The following DUX4 variants were observed in gnomAD, a reference collection of about 807,000 sequenced individuals.
The protein encoded by DUX4 is double homeobox protein 4.
downstream of DUX4, among the ~76,000 whole-genome samples, chr4:190,179,577 A>G (rs1742504298): frequency 9.9e-5 from 15 of 151,928 alleles, no homozygotes; most frequent in South Asian, 2.1e-4. Flanking sequence ...GATATGTCAC[A>G]ATGCTGTGTA....
downstream of DUX4, among the ~76,000 whole-genome samples, chr4:190,179,537 G>T (rs1742502503): frequency 3.7e-5 from 5 of 136,880 alleles, no homozygotes; most frequent in South Asian, 2.2e-4. Flanking sequence ...GCCTAGACAA[G>T]AGTTATATCA....
chr4:190,178,499 A>C (rs1579834294), downstream of DUX4, among the ~76,000 whole-genome samples: 267 of 144,546 alleles, frequency 1.8e-3, no homozygotes, highest in Non-Finnish European at 2.5e-3. Flanking sequence ...TACCCCCTGT[A>C]GGCAGATCCT....
chr4:190,177,587 G>GA (rs1742376435), downstream of DUX4, among the ~76,000 whole-genome samples: 6 of 74,258 alleles, frequency 8.1e-5, no homozygotes, highest in South Asian at 4.7e-4. Context: ...TCATTGCAGA[G>GA]TTATGTCACT....
chr4:190,179,914 A>AAGCAGAGCCTAGACAATACTTACATCAC, downstream of DUX4, among the ~76,000 whole-genome samples: 1 of 152,160 alleles, frequency 6.6e-6, no homozygotes, highest in East Asian at 1.9e-4. Context: ...GAGATATGTG[A>AAGCAGAGCCTAGACAATACTTACATCAC]CAAGGCCCCT....
chr4:190,179,794 CAA>C (rs1742513122), downstream of DUX4, among the ~76,000 whole-genome samples: 12 of 5,836 alleles, frequency 2.1e-3, no homozygotes, highest in African/African-American at 5.6e-3. Flanking sequence ...CCCCTGTAGG[CAA>C]GCCTACACAA....
downstream of DUX4, among the ~76,000 whole-genome samples, chr4:190,178,696 C>T (rs1742443956): frequency 3.0e-4 from 45 of 148,612 alleles, no homozygotes; most frequent in Middle Eastern, 3.7e-3. Context: ...TGTCACAAAG[C>T]TCCTGTAGGC....
chr4:190,178,706 C>A (rs1742445060), downstream of DUX4, among the ~76,000 whole-genome samples: 26 of 128,366 alleles, frequency 2.0e-4, 1 homozygote, highest in East Asian at 1.4e-3. Context: ...CTCCTGTAGG[C>A]AGAGCTTAGA....
At chr4:190,177,752 C>A (rs1579833245), downstream of DUX4, among the ~76,000 whole-genome samples, 68 of 147,254 alleles carry the variant, frequency 4.6e-4, no homozygotes, top group East Asian at 1.2e-3. Context: ...TAGGCAGAGC[C>A]TAGACAAGAG....
At chr4:190,183,273 G>A (rs1318299526) in intron 1 of DUX4, 1 of 108,492 alleles carries the variant, frequency 9.2e-6, no homozygotes, top group African/African-American at 2.7e-5. Context: ...AATGGCCTTG[G>A]TTTCTGTGGA....
At chr4:190,177,765 C>T (rs1458504653), downstream of DUX4, among the ~76,000 whole-genome samples, 55 of 12,574 alleles carry the variant, frequency 4.4e-3, no homozygotes, top group Non-Finnish European at 7.0e-3. Context: ...GACAAGAGTC[C>T]CATCACCTGG....
intron 1 of DUX4, among the ~76,000 whole-genome samples, chr4:190,181,611 G>C (rs1579837823): frequency 1.3e-4 from 1 of 7,784 alleles, no homozygotes; most frequent in East Asian, 3.0e-3. Flanking sequence ...GGTGATCAGT[G>C]CAGAGATATG....
chr4:190,177,136 A>T (rs1742343703), downstream of DUX4, among the ~76,000 whole-genome samples: 2 of 152,198 alleles, frequency 1.3e-5, no homozygotes, highest in Non-Finnish European at 2.9e-5. Context: ...CTGTAGGCAG[A>T]GAGTGGACAA....
chr4:190,181,207 AG>A (rs1742552168), intron 1 of DUX4, among the ~76,000 whole-genome samples: 1 of 151,440 alleles, frequency 6.6e-6, no homozygotes, highest in Admixed American at 6.6e-5. Context: ...ATCAGTGCAG[AG>A]ATATGTCACA....
downstream of DUX4, among the ~76,000 whole-genome samples, chr4:190,179,192 C>G (rs1458858083): frequency 3.5e-3 from 7 of 2,024 alleles, no homozygotes; most frequent in Admixed American, 0.01. Flanking sequence ...AGAGCCCTGA[C>G]AAGTGGTACA....
downstream of DUX4, among the ~76,000 whole-genome samples, chr4:190,179,043 G>A: frequency 1.3e-5 from 2 of 148,692 alleles, no homozygotes; most frequent in South Asian, 4.2e-4. Flanking sequence ...AGTCCCTTTA[G>A]GCAGATCCTA....
downstream of DUX4, among the ~76,000 whole-genome samples, chr4:190,179,528 C>A (rs1579835609): frequency 6.9e-4 from 94 of 135,804 alleles, no homozygotes; most frequent in Admixed American, 1.4e-3. Flanking sequence ...GTAGGCAGAG[C>A]CTAGACAAGA....
At chr4:190,184,076 A>G (rs1411500402) in intron 1 of DUX4, among the ~76,000 whole-genome samples, 1 of 130,640 alleles carries the variant, frequency 7.7e-6, no homozygotes, top group East Asian at 2.3e-4. Flanking sequence ...TTCATCTTAA[A>G]GAATGAAGAA....
chr4:190,177,403 AGGT>A (rs1742365036), downstream of DUX4, among the ~76,000 whole-genome samples: 2 of 134,612 alleles, frequency 1.5e-5, no homozygotes, highest in Admixed American at 7.6e-5. Flanking sequence ...AAGCCCCTGT[AGGT>A]CGAGTCTAGA....
downstream of DUX4, among the ~76,000 whole-genome samples, chr4:190,179,610 C>T (rs1579835773): frequency 1.1e-4 from 16 of 151,586 alleles, no homozygotes; most frequent in East Asian, 1.9e-4. Context: ...ACAAAAGTTA[C>T]AGCACCTGGG....
Sources: gnomAD v4.1 joint callset for allele counts (sites outside exome capture counted in the v4.1 genomes callset) on GRCh38, gnomAD v4.1.1 for gene constraint, MANE v1.5 for transcripts, NCBI Gene and HGNC (gene_info 2026-07-23, HGNC 2026-07-21) for gene names.